The following MACF1 variants were observed in gnomAD, a reference collection of about 807,000 sequenced individuals.
MACF1 encodes microtubule actin crosslinking factor 1, also known as microtubule-actin cross-linking factor 1.
A neutral mutation model predicts 854.8 loss-of-function variants in MACF1; 193 were observed. The ratio of observed to expected loss-of-function variants is 0.23; its 90% CI spans 0.20 to 0.25. The LOEUF (loss-of-function observed/expected upper bound fraction) is 0.25. Ranked by LOEUF, MACF1 falls within the 10% of genes least tolerant of loss-of-function variation. The probability of loss-of-function intolerance (pLI) is 1.00; values close to 1 mark genes in which losing one functional copy is unlikely to be tolerated. For synonymous variants in MACF1, 3,185 were observed against 3,226.7 expected, an observed-to-expected ratio of 0.99 and a Z score of 0.44; for missense variants, 7,722 against 8,929.1, an observed-to-expected ratio of 0.86 and a Z score of 5.45.
At chr1:39,477,842 A>G (rs1212768761) in intron 97 of MACF1, among the ~76,000 whole-genome samples, 1 of 152,082 alleles carries the variant, frequency 6.6e-6, no homozygotes, top group Non-Finnish European at 1.5e-5. Flanking sequence ...CATTCTGTGA[A>G]CTGTGCAGTG....
intron 58 of MACF1, chr1:39,411,967 A>G: frequency 6.2e-7 from 1 of 1,613,998 alleles, no homozygotes; most frequent in Non-Finnish European, 8.5e-7. Context: ...TTCCACTGTT[A>G]GCAAGGAGGA....
chr1:39,236,998 C>A (rs951985015), intron 2 of MACF1, among the ~76,000 whole-genome samples: 2 of 152,224 alleles, frequency 1.3e-5, no homozygotes, highest in African/African-American at 4.8e-5. Flanking sequence ...CTAGTTGCCT[C>A]TAGAGTTTGA....
chr1:39,389,349 G>GTGTTTTTT (rs1318943128), intron 58 of MACF1, among the ~76,000 whole-genome samples: 1 of 105,892 alleles, frequency 9.4e-6, no homozygotes, highest in Non-Finnish European at 1.9e-5. Flanking sequence ...TGGTTTTTGT[G>GTGTTTTTT]TGTTTTTTTT....
At chr1:39,126,832 T>C (rs1642871642) in intron 2 of MACF1, among the ~76,000 whole-genome samples, 1 of 151,758 alleles carries the variant, frequency 6.6e-6, no homozygotes, top group Non-Finnish European at 1.5e-5. Flanking sequence ...TCAAAACAAA[T>C]GGTTTAGTCA....
Position 39,439,410 on chromosome 1 carries a change from C to T in MACF1, c.18357C>T (p.Thr6119=), listed in dbSNP as rs1015687555. 1 of 1,614,106 alleles carries T rather than the reference C, an allele frequency of 6.2e-7. No individual in the cohort carries two copies. Among genetic ancestry groups the T allele is most frequent in the Non-Finnish European group, 8.5e-7 (1 of 1,179,992 alleles). The change falls in exon 72 of 101, where the codon ACC becomes ACT. Residue 6119 remains threonine, a synonymous_variant. Transcript: ENST00000564288. The part of the protein sequence containing the change: ...KFWYDMAALL[T]TIKDTQDIVH... ...GGTATGACATGGCAGCTCTCCTGACCACCATCAAAGACACCCAGGATATTG... is the reference window on the plus strand; with the variant it reads ...GGTATGACATGGCAGCTCTCCTGACTACCATCAAAGACACCCAGGATATTG...
At chr1:39,453,898 A>G in intron 88 of MACF1, 48 bp downstream of exon 88, 2 of 1,601,922 alleles carry the variant, frequency 1.2e-6, no homozygotes, top group South Asian at 2.2e-5. Flanking sequence ...GTAAACTATC[A>G]CTATAGTATA....
Position 39,100,868 on chromosome 1 carries a change from AT to A in MACF1, c.220+16432del, listed in dbSNP as rs1315723950. Among the ~76,000 whole-genome samples the A allele has an allele frequency of 3.3e-5, 5 of 151,864 alleles. No individual in the cohort carries two copies. In the East Asian group the frequency reaches 9.7e-4, roughly 29 times the overall value. ...GACTCCGTTGCAAATAAATAAATAA[AT>A]TAAATTAAATTAAATAAAGTAAACA... On this transcript the variant is annotated intron_variant, in intron 2 of 93. Coordinates refer to the MACF1 transcript ENST00000361689.
At chr1:39,170,294 T>G (rs1643930531) in intron 2 of MACF1, among the ~76,000 whole-genome samples, 1 of 152,226 alleles carries the variant, frequency 6.6e-6, no homozygotes, top group Admixed American at 6.5e-5. Flanking sequence ...TATAGACATT[T>G]CTATTATTCC....
In MACF1 at chr1:39,105,783, C is replaced by G; in HGVS notation, c.220+21345C>G. The G allele has an allele frequency of 9.9e-7, 1 of 1,014,634 alleles. No individual in the cohort carries two copies. The allele number at this position is 1,014,634 out of a possible 1,614,324, so 62.9% of individuals were successfully genotyped here. A position where few individuals can be genotyped will look rare whatever the true frequency, so the allele number is the denominator to read the frequency against. ...GCGCAGCGTGGCCTTCGGAGCCGGTCGGCTCGGCGGCTGCAGGTGGGGCGG... is the reference window on the plus strand; with the variant it reads ...GCGCAGCGTGGCCTTCGGAGCCGGTGGGCTCGGCGGCTGCAGGTGGGGCGG... On this transcript the variant is annotated intron_variant, in intron 2 of 93. Coordinates refer to the MACF1 transcript ENST00000361689. The surrounding 1 kb of genome is among the most constrained non-coding windows in gnomAD (Gnocchi z 5.9).
chr1:39,170,332 G>A (rs989094025), intron 2 of MACF1, among the ~76,000 whole-genome samples: 1 of 152,186 alleles, frequency 6.6e-6, no homozygotes, highest in Non-Finnish European at 1.5e-5. Context: ...GCCTAGCCAA[G>A]TTTAAATGCT....
chr1:39,121,303 C>G (rs1642703806), intron 2 of MACF1, among the ~76,000 whole-genome samples: 1 of 152,140 alleles, frequency 6.6e-6, no homozygotes, highest in Non-Finnish European at 1.5e-5. Context: ...TGCTTAATCA[C>G]AGTTCCTTTA....
chr1:39,241,325 T>A (rs761613782), intron 2 of MACF1, among the ~76,000 whole-genome samples: 23 of 152,076 alleles, frequency 1.5e-4, no homozygotes, highest in Non-Finnish European at 3.2e-4. Flanking sequence ...TCCTTTTAAT[T>A]GTTTAGAGGA....
At chr1:39,318,272 C>T (rs1342568624) in intron 29 of MACF1, among the ~76,000 whole-genome samples, 181 bp from the exon 30 acceptor site, 2 of 152,130 alleles carry the variant, frequency 1.3e-5, no homozygotes, top group African/African-American at 4.8e-5. Context: ...ACTTTTTTGA[C>T]CATAGGGCAC....
chr1:39,094,029 C>T (rs912724826), intron 2 of MACF1, among the ~76,000 whole-genome samples: 11 of 150,646 alleles, frequency 7.3e-5, no homozygotes, highest in African/African-American at 1.2e-4. Context: ...TCCACCGCCT[C>T]GGCCTCCCAA....
intron 71 of MACF1, among the ~76,000 whole-genome samples, chr1:39,438,735 ACCACTGCACT>A (rs1557655056): frequency 6.7e-6 from 1 of 148,890 alleles, no homozygotes; most frequent in African/African-American, 2.5e-5. Flanking sequence ...CCAAGATCAC[ACCACTGCACT>A]CCAGCCTGGG....
In MACF1 at chr1:39,145,640, A is replaced by G. The variant is rs139188811; in HGVS notation, c.220+61202A>G. On this transcript the variant is annotated intron_variant, in intron 2 of 93. Coordinates refer to the MACF1 transcript ENST00000361689. ...CAATGAAAGGCTCTTGTTTGTGATG[A>G]CTTGCTTGCAGAACTCAGCAGCCTC... 5.4e-3 allele frequency among the ~76,000 whole-genome samples: 821 copies of G among 152,244 alleles called. 7 individuals are homozygous for G. Among genetic ancestry groups the G allele is most frequent in the Non-Finnish European group, 8.1e-3 (553 of 68,020 alleles).
At position 39,484,746 on chromosome 1, in the gene MACF1, G is replaced by A. The variant is rs184778918; in HGVS notation, c.22411+16G>A. 1.6e-4 allele frequency: 259 copies of A among 1,614,116 alleles called. No homozygotes were observed. The East Asian group carries it at 3.8e-3, about 24-fold the overall frequency. On this transcript the variant is annotated intron_variant, in intron 100 of 100. Coordinates refer to ENST00000564288, the MANE Select transcript of MACF1 (RefSeq NM_001394062.1). ...AATCGGGCAGGTAAGTACCTGCCCCGTGACCTACAAGCCAGGCTGAGAATT... is the reference window on the plus strand; with the variant it reads ...AATCGGGCAGGTAAGTACCTGCCCCATGACCTACAAGCCAGGCTGAGAATT...
Position 39,385,573 on chromosome 1 carries a change from A to T in MACF1, c.13988A>T (p.Lys4663Ile). The change falls in exon 57 of 101, where the codon AAA (lysine) becomes ATA (isoleucine). Residue 4663 changes from lysine to isoleucine, a missense_variant. Coordinates refer to ENST00000564288, the MANE Select transcript of MACF1 (RefSeq NM_001394062.1). ...VQKELQSINQ[K>I]WVELTDKLNS... ...AAAGAACTCCAGAGCATCAATCAGA[A>T]ATGGGTTGAGCTGACTGACAAACTC... 6.2e-7 allele frequency: 1 copy of T among 1,614,158 alleles called. No individual in the cohort carries two copies. The highest frequency in any genetic ancestry group is 8.5e-7 in the Non-Finnish European group (1 of 1,180,016).
Position 39,335,667 on chromosome 1 carries a change from AAAG to A in MACF1, c.9083_9085del (p.Glu3028del). The A allele has an allele frequency of 1.2e-6, 2 of 1,614,102 alleles. No homozygotes were observed. The highest frequency in any genetic ancestry group is 1.7e-6 in the Non-Finnish European group (2 of 1,180,008). On this transcript the variant is annotated inframe_deletion, in exon 37 of 101. Coordinates refer to ENST00000564288, the MANE Select transcript of MACF1 (RefSeq NM_001394062.1). ...GGAAATGACCTCAAGTGAAAAAGGG[AAAG>A]AAGCTGATACAGAAATGGGATTTTC...
Sources: allele counts gnomAD v4.1 joint callset (sites outside exome capture counted in the v4.1 genomes callset), GRCh38; gene constraint gnomAD v4.1.1; non-coding constraint Gnocchi (gnomAD v3.1); transcripts MANE v1.5; gene names NCBI Gene and HGNC (gene_info 2026-07-23, HGNC 2026-07-21).